The following TCAIM variants were observed in gnomAD, a reference collection of about 807,000 sequenced individuals.
TCAIM encodes T cell activation inhibitor, mitochondrial, also known as T-cell activation inhibitor, mitochondrial.
Under a neutral mutation model 58.6 loss-of-function variants are expected in TCAIM, and 36 were observed. The ratio of observed to expected loss-of-function variants is 0.61; its 90% confidence interval spans 0.47 to 0.81. The LOEUF (loss-of-function observed/expected upper bound fraction) is 0.81. Ranked by LOEUF, TCAIM falls within the 30% of genes least tolerant of loss-of-function variation. The probability of loss-of-function intolerance (pLI) is 0.00; values close to 1 mark genes in which losing one functional copy is unlikely to be tolerated. For missense variants in TCAIM, 466 were observed against 579.6 expected (o/e 0.80, Z 2.01); for synonymous variants, 172 against 193.6 (o/e 0.89, Z 0.93).
chr3:44,398,875 G>A (rs1371066333), intron 8 of TCAIM, among the ~76,000 whole-genome samples: 1 of 152,210 alleles, frequency 6.6e-6, no homozygotes, highest in Non-Finnish European at 1.5e-5. Flanking sequence ...TGCAGCAACT[G>A]GATGGATCTT....
At position 44,407,466 on chromosome 3, in the gene TCAIM, G is replaced by T. The variant is rs764406110; in HGVS notation, c.1275G>T (p.Leu425Phe). ...KEELKVIENE[L>F]IQASTKKFSL... ...GGTTAAAGGTTATTGAAAATGAATT[G>T]ATACAGGCATCAACAAAGAAATTTT... The change falls in exon 11 of 11, where the codon TTG becomes TTT. Residue 425 changes from leucine to phenylalanine, a missense_variant. Physicochemically the swap from Leu to Phe is conservative, Grantham distance 22 (BLOSUM62 0). Transcript: ENST00000342649. 6.4e-7 allele frequency: 1 copy of T among 1,569,942 alleles called. No homozygotes were observed. Among genetic ancestry groups the T allele is most frequent in the Non-Finnish European group, 8.7e-7 (1 of 1,143,098 alleles).
intron 5 of TCAIM, among the ~76,000 whole-genome samples, chr3:44,382,302 A>G (rs1165922742): frequency 3.9e-5 from 6 of 152,336 alleles, no homozygotes; most frequent in Non-Finnish European, 1.5e-5. Flanking sequence ...TCACTTCTGT[A>G]ATCCCAGCAC....
At chr3:44,394,644 C>G (rs1701892930) in intron 6 of TCAIM, among the ~76,000 whole-genome samples, 1 of 151,180 alleles carries the variant, frequency 6.6e-6, no homozygotes, top group Admixed American at 6.6e-5. Context: ...ACCTGTAATC[C>G]CAGCACTTTG....
intron 5 of TCAIM, among the ~76,000 whole-genome samples, chr3:44,375,924 A>G (rs1701557722): frequency 6.6e-6 from 1 of 152,250 alleles, no homozygotes; most frequent in African/African-American, 2.4e-5. Context: ...GAAATAACCT[A>G]ATGTCTACCA....
intron 5 of TCAIM, among the ~76,000 whole-genome samples, chr3:44,383,811 A>T (rs1477022302): frequency 2.3e-4 from 2 of 8,654 alleles, no homozygotes; most frequent in Non-Finnish European, 1.0e-3. Flanking sequence ...TGTCTCTACA[A>T]AAAAAAAAAA....
At chr3:44,349,698 T>TG (rs903954758) in intron 1 of TCAIM, among the ~76,000 whole-genome samples, 17 of 148,444 alleles carry the variant, frequency 1.1e-4, no homozygotes, top group African/African-American at 4.2e-4. Flanking sequence ...TTCCCGAGTC[T>TG]GTGACTGGTG....
At chr3:44,354,141 C>T (rs568491448) in intron 1 of TCAIM, among the ~76,000 whole-genome samples, 9 of 152,196 alleles carry the variant, frequency 5.9e-5, no homozygotes, top group South Asian at 2.1e-4. Flanking sequence ...TGTGGATGTA[C>T]GATTGTTTTA....
intron 1 of TCAIM, among the ~76,000 whole-genome samples, chr3:44,345,513 G>A (rs145676677): frequency 4.6e-5 from 7 of 152,164 alleles, no homozygotes; most frequent in South Asian, 2.1e-4. Flanking sequence ...AACACTCTTC[G>A]TTTAATATAC....
chr3:44,361,649 T>A, intron 4 of TCAIM, 131 bp downstream of exon 4: 1 of 970,106 alleles, frequency 1.0e-6, no homozygotes. Context: ...ATTGATTGTT[T>A]TCCTAGAATT....
chr3:44,347,534 G>A, intron 1 of TCAIM, among the ~76,000 whole-genome samples: 1 of 152,172 alleles, frequency 6.6e-6, no homozygotes, highest in East Asian at 1.9e-4. Flanking sequence ...AGAATAATGG[G>A]TGGTGGAGGG....
chr3:44,361,284 G>A (rs1701291278), intron 3 of TCAIM, 81 bp from the exon 4 acceptor site: 7 of 1,229,824 alleles, frequency 5.7e-6, no homozygotes, highest in Non-Finnish European at 2.2e-6. Flanking sequence ...CTCTCAATGT[G>A]TTTAAAAGGT....
rs1248964888 is a variant in TCAIM, at chr3:44,361,478, C to T, written c.279C>T (p.Asp93=). 11 of 1,609,328 alleles carry T rather than the reference C, an allele frequency of 6.8e-6. No homozygotes were observed. The highest frequency in any genetic ancestry group is 1.3e-5 in the African/African-American group (1 of 74,750). Residue 93 remains aspartate, a synonymous_variant, in exon 4 of 11, where the codon GAC becomes GAT. Transcript: ENST00000342649. ...TQLTFYVRET[D]QSSSDGQEPF... The stretch of plus-strand genomic sequence containing the variant: ...TTACATTTTATGTAAGAGAAACAGA[C>T]CAGAGTTCCTCCGATGGCCAGGAAC...
chr3:44,370,214 T>C (rs1373522602), intron 5 of TCAIM, among the ~76,000 whole-genome samples: 1 of 152,076 alleles, frequency 6.6e-6, no homozygotes, highest in East Asian at 1.9e-4. Context: ...ACATAAAAAA[T>C]GCCTTGGGAG....
intron 5 of TCAIM, among the ~76,000 whole-genome samples, chr3:44,375,563 T>G (rs560141441): frequency 1.3e-5 from 2 of 152,314 alleles, no homozygotes; most frequent in Admixed American, 6.5e-5. Flanking sequence ...AGGCCCTGCC[T>G]CCAACATTGG....
intron 4 of TCAIM, 109 bp downstream of exon 4, chr3:44,361,627 T>TG: frequency 1.9e-6 from 2 of 1,034,990 alleles, no homozygotes; most frequent in Admixed American, 6.9e-5. Context: ...GATAGAAAAA[T>TG]AATAGCATTT....
At chr3:44,349,560 G>T (rs1356185187) in intron 1 of TCAIM, among the ~76,000 whole-genome samples, 1 of 152,060 alleles carries the variant, frequency 6.6e-6, no homozygotes, top group African/African-American at 2.4e-5. Flanking sequence ...CCCCCCAGGG[G>T]AGGTTATGCT....
intron 5 of TCAIM, among the ~76,000 whole-genome samples, chr3:44,370,305 C>CA (rs1488317631): frequency 1.8e-4 from 27 of 151,898 alleles, no homozygotes; most frequent in Non-Finnish European, 3.7e-4. Flanking sequence ...ACTAAAAATA[C>CA]AAAAAATTAG....
intron 1 of TCAIM, among the ~76,000 whole-genome samples, chr3:44,347,556 A>C (rs1011229345): frequency 1.8e-4 from 28 of 152,216 alleles, no homozygotes; most frequent in Middle Eastern, 3.4e-3. Context: ...CGTATTGAGG[A>C]TAGGAGAGTA....
rs1011783167 is a variant in TCAIM at position 44,379,325 on chromosome 3, G to A, written c.572+11617G>A. 3.9e-5 allele frequency among the ~76,000 whole-genome samples: 6 copies of A among 152,262 alleles called. No homozygotes were observed. In the South Asian group the frequency reaches 1.2e-3, roughly 32 times the overall value. ...GAAAGTAGTGTGGCAATTCCTCAAA[G>A]AACTTAAAACAACTAACATTCAACC... On this transcript the variant is annotated intron_variant, in intron 5 of 10. Transcript: ENST00000342649.
Sources: allele counts gnomAD v4.1 joint callset (sites outside exome capture counted in the v4.1 genomes callset), GRCh38; gene constraint gnomAD v4.1.1; transcripts MANE v1.5; gene names NCBI Gene and HGNC (gene_info 2026-07-23, HGNC 2026-07-21).